STAU2: variants seen among roughly 807,000 people sequenced by gnomAD.
The protein encoded by STAU2 is staufen double-stranded RNA binding protein 2, also known as double-stranded RNA-binding protein Staufen homolog 2.
Under a neutral mutation model 65.9 loss-of-function variants are expected in STAU2, and 20 were observed. The observed-to-expected ratio is 0.30, with a 90% CI of 0.21 to 0.44. STAU2 has a LOEUF of 0.44. Ranked by LOEUF, STAU2 falls within the 20% of genes least tolerant of loss-of-function variation. The pLI is 1.00. For synonymous variants in STAU2, 232 were observed against 233.9 expected, an observed-to-expected ratio of 0.99 and a Z score of 0.07; for missense variants, 558 against 683.9, an observed-to-expected ratio of 0.82 and a Z score of 2.05.
upstream of STAU2, chr8:73,747,030 C>A (rs892423804): frequency 1.8e-5 from 4 of 218,292 alleles, no homozygotes; most frequent in Non-Finnish European, 2.3e-5. Context: ...GCTCTACCTC[C>A]ACTCCGCCTC....
At chr8:73,617,213 T>G (rs1396930344) in intron 7 of STAU2, 79 bp downstream of exon 7, 1 of 1,515,722 alleles carries the variant, frequency 6.6e-7, no homozygotes, top group Non-Finnish European at 8.9e-7. Flanking sequence ...ACAGATTATT[T>G]ATTTTAATTA....
At chr8:73,580,114 T>A (rs1316406746) in intron 12 of STAU2, among the ~76,000 whole-genome samples, 1 of 152,182 alleles carries the variant, frequency 6.6e-6, no homozygotes, top group Non-Finnish European at 1.5e-5. Flanking sequence ...TTCGTATTAT[T>A]TATCCAAATA....
intron 13 of STAU2, among the ~76,000 whole-genome samples, chr8:73,450,819 GC>G (rs1378181878): frequency 6.6e-6 from 1 of 152,154 alleles, no homozygotes; most frequent in African/African-American, 2.4e-5. Context: ...TGCTGTTTTT[GC>G]TCCAAGCTGA....
At chr8:73,597,501 A>G (rs1811279306) in intron 10 of STAU2, among the ~76,000 whole-genome samples, 1 of 145,420 alleles carries the variant, frequency 6.9e-6, no homozygotes, top group Non-Finnish European at 1.5e-5. Context: ...AAAAATACAA[A>G]AATAAAAAAA....
Position 73,421,283 on chromosome 8 carries a change from T to C in STAU2, c.*89A>G. 9.5e-7 allele frequency: 1 copy of C among 1,055,682 alleles called. No individual in the cohort carries two copies. The allele number at this position is 1,055,682 out of a possible 1,614,324, so 65.4% of individuals were successfully genotyped here. A position where few individuals can be genotyped will look rare whatever the true frequency, so the allele number is the denominator to read the frequency against. Reference sequence around the variant, plus strand: ...TTCACATAAGACTCAAATAATGGTATTAGTCATTCATTTCCCTGAACACAG... The same window carrying C: ...TTCACATAAGACTCAAATAATGGTACTAGTCATTCATTTCCCTGAACACAG... On this transcript the variant is annotated 3_prime_UTR_variant, in exon 15 of 15. Coordinates refer to ENST00000524300, the MANE Select transcript of STAU2 (RefSeq NM_001164380.2).
At chr8:73,711,713 T>A (rs56051350) in intron 3 of STAU2, among the ~76,000 whole-genome samples, 28,754 of 151,992 alleles carry the variant, frequency 0.19, 2,942 homozygotes, top group East Asian at 0.37. Context: ...TGTTAACAAA[T>A]AACATGGTAT....
intron 6 of STAU2, among the ~76,000 whole-genome samples, chr8:73,642,198 T>C (rs1029467311): frequency 1.3e-5 from 2 of 152,228 alleles, no homozygotes; most frequent in Non-Finnish European, 2.9e-5. Flanking sequence ...ACTGCTTCTC[T>C]ATGCAAACAT....
chr8:73,653,935 G>C, intron 6 of STAU2: 1 of 423,548 alleles, frequency 2.4e-6, no homozygotes, highest in South Asian at 1.7e-5. Context: ...GAATCAAGTT[G>C]TATAGCTTTT....
At chr8:73,424,338 C>T (rs1403940586) in intron 13 of STAU2, among the ~76,000 whole-genome samples, 2 of 151,458 alleles carry the variant, frequency 1.3e-5, no homozygotes, top group African/African-American at 2.4e-5. Context: ...GTAGCTGGGA[C>T]TGCAGGCCTG....
At position 73,603,865 on chromosome 8, in the gene STAU2, TA is replaced by T; in HGVS notation, c.892-3del. ...CCCTTGGCCATATTCTGGTCCGGCC[TA>T]AAAATTAATTTAAGAAAAAGTTTTA... On this transcript the variant is annotated splice_region_variant and splice_polypyrimidine_tract_variant and intron_variant, in intron 9 of 14. Transcript: ENST00000524300. 1 of 1,576,512 alleles carries T rather than the reference TA, an allele frequency of 6.3e-7. No homozygotes were observed. Among genetic ancestry groups the T allele is most frequent in the South Asian group, 1.2e-5 (1 of 83,236 alleles).
chr8:73,509,717 T>TG (rs1822279604), intron 13 of STAU2, among the ~76,000 whole-genome samples: 2 of 151,866 alleles, frequency 1.3e-5, no homozygotes, highest in African/African-American at 4.8e-5. Flanking sequence ...TTTCCTTATG[T>TG]GAAAAAAAAT....
At chr8:73,660,190 G>C (rs576144163) in intron 6 of STAU2, among the ~76,000 whole-genome samples, 1 of 152,248 alleles carries the variant, frequency 6.6e-6, no homozygotes, top group East Asian at 1.9e-4. Context: ...CCAGCACTTT[G>C]GGAGGCTGAG....
intron 10 of STAU2, among the ~76,000 whole-genome samples, chr8:73,601,925 GT>G (rs930520284): frequency 2.0e-5 from 3 of 152,032 alleles, no homozygotes; most frequent in Admixed American, 1.3e-4. Flanking sequence ...ATTCTTCAAA[GT>G]TAAGAATGTT....
At chr8:73,451,452 G>GT (rs1818796286) in intron 13 of STAU2, among the ~76,000 whole-genome samples, 1 of 151,976 alleles carries the variant, frequency 6.6e-6, no homozygotes, top group Admixed American at 6.6e-5. Flanking sequence ...AAGCGGCTGG[G>GT]TATAAAGACA....
chr8:73,574,414 C>A (rs567227156), intron 12 of STAU2, among the ~76,000 whole-genome samples: 2 of 152,040 alleles, frequency 1.3e-5, no homozygotes, highest in Non-Finnish European at 2.9e-5. Context: ...GGGTATATAC[C>A]CAAAGGATTA....
At position 73,683,921 on chromosome 8, in the gene STAU2, C is replaced by T. The variant is rs939199829; in HGVS notation, c.274+4733G>A. Among the ~76,000 whole-genome samples the T allele has an allele frequency of 5.3e-5, 8 of 152,208 alleles. No homozygotes were observed. The South Asian group carries it at 1.5e-3, about 28-fold the overall frequency. On this transcript the variant is annotated intron_variant, in intron 5 of 14. Transcript: ENST00000524300. ...AATGAAGAAGGTGGAAAGAACTCTACGACAAAAACTACAAAACACTGCTGA... is the reference window on the plus strand; with the variant it reads ...AATGAAGAAGGTGGAAAGAACTCTATGACAAAAACTACAAAACACTGCTGA...
intron 12 of STAU2, among the ~76,000 whole-genome samples, chr8:73,572,638 A>G (rs1027359733): frequency 3.3e-5 from 5 of 152,254 alleles, no homozygotes; most frequent in African/African-American, 1.2e-4. Context: ...AAGAGAACCA[A>G]AGACGAAAAC....
chr8:73,476,523 T>A (rs1248727175), intron 13 of STAU2, among the ~76,000 whole-genome samples: 1 of 152,212 alleles, frequency 6.6e-6, no homozygotes. Context: ...TGACTTTGTA[T>A]TATGACCCTT....
intron 3 of STAU2, among the ~76,000 whole-genome samples, chr8:73,729,909 C>T (rs758878940): frequency 9.9e-5 from 15 of 152,058 alleles, no homozygotes; most frequent in Non-Finnish European, 2.1e-4. Flanking sequence ...TTTAGTTATA[C>T]CTATCTGTGT....
Sources: allele counts gnomAD v4.1 joint callset (sites outside exome capture counted in the v4.1 genomes callset), GRCh38; gene constraint gnomAD v4.1.1; transcripts MANE v1.5; gene names NCBI Gene and HGNC (gene_info 2026-07-23, HGNC 2026-07-21).